Variants in ZNRF3 observed in about 807,000 individuals in gnomAD.
The protein encoded by ZNRF3 is zinc and ring finger 3, also known as E3 ubiquitin-protein ligase ZNRF3.
ZNRF3 carries 23 observed loss-of-function variants against 72.5 expected under a neutral mutation model. The observed-to-expected ratio is 0.32, with a 90% CI of 0.23 to 0.45. The LOEUF is 0.45. Among genes scored for constraint, ZNRF3 ranks in the 20% least tolerant of loss-of-function variants. The probability of loss-of-function intolerance (pLI) is 1.00; values close to 1 mark genes in which losing one functional copy is unlikely to be tolerated. For synonymous variants in ZNRF3, 610 were observed against 545.3 expected, an observed-to-expected ratio of 1.12 and a Z score of -1.65; for missense variants, 1,169 against 1,272.1, an observed-to-expected ratio of 0.92 and a Z score of 1.23.
chr22:28,926,460 A>G (rs2034602831), intron 1 of ZNRF3, among the ~76,000 whole-genome samples: 2 of 149,310 alleles, frequency 1.3e-5, no homozygotes, highest in Admixed American at 6.7e-5. Flanking sequence ...AGCTGGGATT[A>G]TACACACATC....
intron 5 of ZNRF3, among the ~76,000 whole-genome samples, chr22:29,045,900 T>C (rs941263434): frequency 1.3e-5 from 2 of 152,224 alleles, no homozygotes; most frequent in South Asian, 4.1e-4. Flanking sequence ...GATTGAGAAG[T>C]GTTTGCCTGT....
At chr22:28,917,504 A>G (rs1246996725) in intron 1 of ZNRF3, 1 of 949,868 alleles carries the variant, frequency 1.1e-6, no homozygotes, top group Non-Finnish European at 1.3e-6. Flanking sequence ...TGTTAAATCT[A>G]AATTTGGGTA....
intron 1 of ZNRF3, among the ~76,000 whole-genome samples, chr22:28,974,890 G>A (rs1282398896): frequency 1.3e-5 from 2 of 152,120 alleles, no homozygotes; most frequent in African/African-American, 4.8e-5. Flanking sequence ...TCCCATCTTG[G>A]CCTCCCAAAG....
chr22:28,994,176 C>CCTTTTTTTTTTT (rs1555980522), intron 2 of ZNRF3, among the ~76,000 whole-genome samples: 1 of 39,790 alleles, frequency 2.5e-5, no homozygotes, highest in African/African-American at 1.1e-4. Context: ...CAGTTCCTTT[C>CCTTTTTTTTTTT]TTTTTTTTTT....
Position 29,055,396 on chromosome 22 carries a change from T to A in ZNRF3, c.*1774T>A, listed in dbSNP as rs568041311. 6.6e-6 allele frequency: 1 copy of A among 152,208 alleles called. No individual in the cohort carries two copies. The highest frequency in any genetic ancestry group is 1.5e-5 in the Non-Finnish European group (1 of 68,036). 9.4% of individuals were successfully genotyped at this position (152,208 alleles called of 1,614,324 possible). A position where few individuals can be genotyped will look rare whatever the true frequency, so the allele number is the denominator to read the frequency against. On this transcript the variant is annotated 3_prime_UTR_variant, in exon 9 of 9. Transcript: ENST00000544604. ...GGTAGGAGAACAAGGACCACCTGGGTTCTCCAGTCTTGAACGAGAATCTCA... is the reference window on the plus strand; with the variant it reads ...GGTAGGAGAACAAGGACCACCTGGGATCTCCAGTCTTGAACGAGAATCTCA...
At chr22:28,909,930 G>A (rs1357820847) in intron 1 of ZNRF3, among the ~76,000 whole-genome samples, 1 of 151,498 alleles carries the variant, frequency 6.6e-6, no homozygotes, top group African/African-American at 2.4e-5. Flanking sequence ...CTAGAGACAG[G>A]GGTCTTACTA....
In ZNRF3 at chr22:29,043,322, G is replaced by A. The variant is rs1036469199; in HGVS notation, c.525G>A (p.Pro175=). 9.9e-6 allele frequency: 16 copies of A among 1,613,692 alleles called. No individual in the cohort carries two copies. In the Admixed American group the frequency reaches 1.3e-4, roughly 13 times the overall value. The change falls in exon 4 of 9, where the codon CCG becomes CCA. Residue 175 remains proline (P), a synonymous_variant. Coordinates refer to ENST00000544604, the MANE Select transcript of ZNRF3 (RefSeq NM_001206998.2). ...IDQLNQGSED[P]LKRPVVYVKG... ...AGCTGAACCAGGGCTCTGAAGACCC[G>A]CTCAAGAGGCCGGTGGTGTATGTGA... is the stretch of plus-strand genomic sequence containing the variant.
intron 1 of ZNRF3, among the ~76,000 whole-genome samples, chr22:28,983,421 C>T (rs2035801476): frequency 1.3e-5 from 2 of 152,216 alleles, no homozygotes; most frequent in Middle Eastern, 3.2e-3. Flanking sequence ...TGTTCTGCTC[C>T]TCCAAGAGAG....
intron 2 of ZNRF3, chr22:29,017,876 A>G (rs1303776244): frequency 6.9e-6 from 3 of 432,186 alleles, no homozygotes; most frequent in African/African-American, 6.1e-5. Context: ...AAATTGGGCA[A>G]GATTTTGCAG....
At position 29,043,053 on chromosome 22, in the gene ZNRF3, G is replaced by A. The variant is rs148428964; in HGVS notation, c.502-246G>A. ...CTCCCAAAGTGCTGGGATTATAGGCGTGAGCCACTGCACCGGGTTCAGGGG... is the reference window on the plus strand; with the variant it reads ...CTCCCAAAGTGCTGGGATTATAGGCATGAGCCACTGCACCGGGTTCAGGGG... On this transcript the variant is annotated intron_variant, in intron 3 of 8. Coordinates refer to ENST00000544604, the MANE Select transcript of ZNRF3 (RefSeq NM_001206998.2). Among the ~76,000 whole-genome samples the A allele has an allele frequency of 7.2e-3, 1,099 of 151,890 alleles. 15 individuals carry two copies. The highest frequency in any genetic ancestry group is 0.023 in the African/African-American group (965 of 41,388).
chr22:29,015,052 C>T (rs759690528), intron 2 of ZNRF3, among the ~76,000 whole-genome samples: 1 of 152,320 alleles, frequency 6.6e-6, no homozygotes, highest in Middle Eastern at 3.4e-3. Context: ...TCAAACAGCA[C>T]TTTGCTACCA....
chr22:28,961,189 G>T lies in ZNRF3; in HGVS notation c.301-25887G>T, dbSNP rs184699117. Among the ~76,000 whole-genome samples the T allele has an allele frequency of 4.6e-5, 7 of 152,246 alleles. No individual in the cohort carries two copies. The East Asian group carries it at 1.4e-3, about 29-fold the overall frequency. On this transcript the variant is annotated intron_variant, in intron 1 of 8. Coordinates refer to ENST00000544604, the MANE Select transcript of ZNRF3 (RefSeq NM_001206998.2). ...ACTCTTCTTCAAGACCTTTTATAAG[G>T]GCACTAATCTGTTCATGAGGGAAGA...
chr22:29,045,509 G>T (rs1042723801), intron 5 of ZNRF3, among the ~76,000 whole-genome samples: 2 of 152,042 alleles, frequency 1.3e-5, no homozygotes, highest in Admixed American at 1.3e-4. Flanking sequence ...ATTTCTTTGA[G>T]ACAAGATCTC....
intron 2 of ZNRF3, among the ~76,000 whole-genome samples, chr22:29,001,059 CTTTTTTTT>C (rs773296494): frequency 0.021 from 1,622 of 77,790 alleles, 14 homozygotes; most frequent in African/African-American, 0.037. Flanking sequence ...AAAGCTTTGC[CTTTTTTTT>C]TTTTTTTTTT....
chr22:28,946,404 T>C (rs1332277038), intron 1 of ZNRF3, among the ~76,000 whole-genome samples: 1 of 152,222 alleles, frequency 6.6e-6, no homozygotes, highest in Admixed American at 6.5e-5. Flanking sequence ...TGCAGTGTTA[T>C]CTGAAGGAAG....
At chr22:28,919,485 T>TTACC (rs1181799233) in intron 1 of ZNRF3, among the ~76,000 whole-genome samples, 1 of 152,150 alleles carries the variant, frequency 6.6e-6, no homozygotes, top group Admixed American at 6.5e-5. Flanking sequence ...CAAGGTCCTC[T>TTACC]TACCTACTGA....
rs1188223999 is a variant in ZNRF3, at chr22:28,975,537, G to GACC, written c.301-11537_301-11535dup. ...AAAAAAAAAAAAAAAAAGAGTTCAA[G>GACC]ACCAGCCTGGCCAACATGATGAAAC... On this transcript the variant is annotated intron_variant, in intron 1 of 8. Transcript: ENST00000544604. Among the ~76,000 whole-genome samples, 8 of 136,446 alleles carry GACC rather than the reference G, an allele frequency of 5.9e-5. 1 individual carries two copies. The South Asian group carries it at 1.2e-3, about 20-fold the overall frequency. 89.5% of individuals were successfully genotyped at this position (136,446 alleles called of 152,430 possible).
intron 1 of ZNRF3, among the ~76,000 whole-genome samples, chr22:28,938,440 G>C (rs546422602): frequency 2.0e-5 from 3 of 152,088 alleles, no homozygotes; most frequent in Non-Finnish European, 4.4e-5. Context: ...AGTACTTAGC[G>C]TATTCTAGGC....
chr22:28,976,633 C>CT (rs1469077183), intron 1 of ZNRF3, among the ~76,000 whole-genome samples: 3 of 152,056 alleles, frequency 2.0e-5, no homozygotes, highest in African/African-American at 7.2e-5. Context: ...TTTAGTAACT[C>CT]TTTGATGTGT....
Sources: gnomAD v4.1 joint callset for allele counts (sites outside exome capture counted in the v4.1 genomes callset) on GRCh38, gnomAD v4.1.1 for gene constraint, MANE v1.5 for transcripts, NCBI Gene and HGNC (gene_info 2026-07-23, HGNC 2026-07-21) for gene names.